NHS: variants seen among roughly 807,000 people sequenced by gnomAD.
NHS encodes actin remodeling regulator NHS.
In NHS, 5 loss-of-function variants were observed where a neutral mutation model predicts 72.5. That is an observed-to-expected ratio of 0.07 (90% CI 0.04 to 0.14). NHS has a LOEUF of 0.14. NHS is among the 10% of genes least tolerant of loss of function. The pLI is 1.00. For synonymous variants in NHS, 464 were observed against 547.7 expected (o/e 0.85, Z 2.13); for missense variants, 1,072 against 1,355.7 (o/e 0.79, Z 3.29).
intron 1 of NHS, among the ~76,000 whole-genome samples, chrX:17,474,612 T>C (rs1485921035): frequency 1.8e-5 from 2 of 111,278 alleles, no homozygotes; most frequent in African/African-American, 3.3e-5. Flanking sequence ...TCCTTTGGAG[T>C]TGTCCCAAAT....
At chrX:17,533,459 G>C (rs1472750790) in intron 1 of NHS, among the ~76,000 whole-genome samples, 1 of 110,814 alleles carries the variant, frequency 9.0e-6, no homozygotes, top group Non-Finnish European at 1.9e-5. Flanking sequence ...GCTAATTTTT[G>C]TATTTTTTCT....
chrX:17,575,201 G>A (rs183486976), intron 1 of NHS, among the ~76,000 whole-genome samples: 98 of 111,918 alleles, frequency 8.8e-4, no homozygotes, highest in African/African-American at 3.1e-3. Flanking sequence ...ACACACTGGC[G>A]TGCCCCTTTA....
chrX:17,542,632 G>C (rs1376580942), intron 1 of NHS, among the ~76,000 whole-genome samples: 1 of 111,729 alleles, frequency 9.0e-6, no homozygotes, highest in East Asian at 2.8e-4. Context: ...ATCCAGAGAA[G>C]GTAGAGCTTC....
At chrX:17,467,247 C>CA (rs1409259372) in intron 1 of NHS, among the ~76,000 whole-genome samples, 1 of 111,157 alleles carries the variant, frequency 9.0e-6, no homozygotes, top group Admixed American at 9.5e-5. Flanking sequence ...TTTTAAATTC[C>CA]AAAAAAAGAA....
chrX:17,444,087 A>G (rs1407554225), intron 1 of NHS, among the ~76,000 whole-genome samples: 1 of 111,875 alleles, frequency 8.9e-6, no homozygotes, highest in African/African-American at 3.3e-5. Flanking sequence ...GGTGTCTTGC[A>G]CTTCCATTAG....
chrX:17,696,312 T>G (rs1401307397), intron 3 of NHS, among the ~76,000 whole-genome samples: 2 of 112,080 alleles, frequency 1.8e-5, no homozygotes, highest in African/African-American at 6.5e-5. Flanking sequence ...TACTGATTAT[T>G]TAGGGAAAGG....
intron 1 of NHS, among the ~76,000 whole-genome samples, chrX:17,571,017 A>C (rs1179478113): frequency 8.9e-6 from 1 of 112,093 alleles, no homozygotes; most frequent in Non-Finnish European, 1.9e-5. Context: ...CCAGGGGTGA[A>C]GCCAACTTGA....
At chrX:17,675,935 G>A (rs1278257986) in intron 1 of NHS, among the ~76,000 whole-genome samples, 1 of 111,131 alleles carries the variant, frequency 9.0e-6, no homozygotes, top group Non-Finnish European at 1.9e-5. Context: ...GTGTAGTGGA[G>A]GTGGTATGTG....
At chrX:17,521,593 G>T (rs1180184263) in intron 1 of NHS, among the ~76,000 whole-genome samples, 1 of 110,894 alleles carries the variant, frequency 9.0e-6, no homozygotes, top group Non-Finnish European at 1.9e-5. Context: ...AAGTTCCTGG[G>T]ATCAAGTGAT....
chrX:17,685,680 GA>G (rs2066158197), intron 1 of NHS, among the ~76,000 whole-genome samples: 1 of 111,809 alleles, frequency 8.9e-6, no homozygotes, highest in South Asian at 3.7e-4. Flanking sequence ...CTAATTTTAT[GA>G]TATGCCAATT....
chrX:17,702,808 C>G (rs970248684), intron 3 of NHS, among the ~76,000 whole-genome samples: 1 of 111,955 alleles, frequency 8.9e-6, no homozygotes, highest in Non-Finnish European at 1.9e-5. Flanking sequence ...ATAATTCTTC[C>G]CTTTTATACA....
At chrX:17,717,282 T>TG (rs1473366758) in intron 3 of NHS, among the ~76,000 whole-genome samples, 1 of 112,515 alleles carries the variant, frequency 8.9e-6, no homozygotes, top group Non-Finnish European at 1.9e-5. Context: ...TTACTTTCTT[T>TG]GGGGTTCCCA....
chrX:17,398,187 G>A (rs751662134), intron 1 of NHS, among the ~76,000 whole-genome samples: 3 of 111,762 alleles, frequency 2.7e-5, no homozygotes, highest in South Asian at 7.6e-4. Flanking sequence ...AGGAATGAGA[G>A]GAAAGCTGAA....
chrX:17,536,818 G>A (rs747048099), intron 1 of NHS, among the ~76,000 whole-genome samples: 3 of 112,211 alleles, frequency 2.7e-5, no homozygotes, highest in South Asian at 3.7e-4. Flanking sequence ...GTTCTTGTTC[G>A]TTGCATGAAA....
chrX:17,621,232 A>G (rs2065772299), intron 1 of NHS, among the ~76,000 whole-genome samples: 1 of 112,096 alleles, frequency 8.9e-6, no homozygotes, highest in Non-Finnish European at 1.9e-5. Flanking sequence ...GTCCTGGGCA[A>G]TGCCCAGGTT....
intron 1 of NHS, among the ~76,000 whole-genome samples, chrX:17,638,018 C>T (rs1000347622): frequency 8.9e-6 from 1 of 111,807 alleles, no homozygotes; most frequent in Non-Finnish European, 1.9e-5. Flanking sequence ...GCTCCTGTTG[C>T]GTCTAGCTTA....
chrX:17,378,703 G>A (rs751514489), intron 1 of NHS, among the ~76,000 whole-genome samples: 5 of 112,082 alleles, frequency 4.5e-5, no homozygotes, highest in Non-Finnish European at 9.4e-5. Context: ...GGCAACTGGG[G>A]TTCAATCCAG....
chrX:17,388,333 G>A (rs746507760), intron 1 of NHS, among the ~76,000 whole-genome samples: 2 of 111,657 alleles, frequency 1.8e-5, no homozygotes, highest in East Asian at 5.6e-4. Context: ...AGTGCTGTGG[G>A]CAAAAAGAAA....
chrX:17,539,871 T>C (rs957143065), intron 1 of NHS, among the ~76,000 whole-genome samples: 1 of 111,904 alleles, frequency 8.9e-6, no homozygotes, highest in Non-Finnish European at 1.9e-5. Context: ...AGGTGTGAGG[T>C]TTCTGTTTGC....
Sources: gnomAD v4.1 joint callset for allele counts (sites outside exome capture counted in the v4.1 genomes callset) on GRCh38, gnomAD v4.1.1 for gene constraint, MANE v1.5 for transcripts, NCBI Gene and HGNC (gene_info 2026-07-23, HGNC 2026-07-21) for gene names.